SNAP91: variants seen among roughly 807,000 people sequenced by gnomAD.
SNAP91 encodes the protein synaptosome associated protein 91.
SNAP91 carries 27 observed loss-of-function variants against 100.3 expected under a neutral mutation model. The ratio of observed to expected loss-of-function variants is 0.27; its 90% CI spans 0.20 to 0.37. The LOEUF (loss-of-function observed/expected upper bound fraction) is 0.37. Among genes scored for constraint, SNAP91 ranks in the 10% least tolerant of loss-of-function variants. The probability of loss-of-function intolerance (pLI) is 1.00; values close to 1 mark genes in which losing one functional copy is unlikely to be tolerated. For missense variants in SNAP91, 986 were observed against 1,123.7 expected (o/e 0.88, Z 1.75); for synonymous variants, 404 against 398.6 (o/e 1.01, Z -0.16).
chr6:83,555,161 A>G (rs991233279), intron 29 of SNAP91, among the ~76,000 whole-genome samples: 5 of 152,166 alleles, frequency 3.3e-5, no homozygotes, highest in African/African-American at 1.2e-4. Context: ...GTTGGGCATA[A>G]GGAGAGTTTA....
chr6:83,705,258 AT>A (rs971258819), intron 2 of SNAP91, among the ~76,000 whole-genome samples: 2 of 152,126 alleles, frequency 1.3e-5, no homozygotes, highest in African/African-American at 2.4e-5. Context: ...GTTTTTGGTC[AT>A]TTTTTTATGC....
In SNAP91 at chr6:83,573,290, C is replaced by T. The variant is rs542897443; in HGVS notation, c.2442+1720G>A. 1.1e-4 allele frequency among the ~76,000 whole-genome samples: 16 copies of T among 152,114 alleles called. No individual in the cohort carries two copies. In the East Asian group the frequency reaches 1.2e-3, roughly 11 times the overall value. ...AGGAGAACTACAAACCACTGCTCAA[C>T]GAAATGAAAGAGGACACAAACAAAT... On this transcript the variant is annotated intron_variant, in intron 26 of 29. Coordinates refer to ENST00000369694, the MANE Select transcript of SNAP91 (RefSeq NM_001242792.2).
intron 28 of SNAP91, among the ~76,000 whole-genome samples, chr6:83,558,304 T>C (rs182166506): frequency 6.6e-6 from 1 of 152,326 alleles, no homozygotes. Context: ...GAAATATTTA[T>C]GATAAATGAG....
intron 2 of SNAP91, among the ~76,000 whole-genome samples, chr6:83,669,284 C>T (rs969058126): frequency 2.0e-5 from 3 of 151,840 alleles, no homozygotes; most frequent in Non-Finnish European, 4.4e-5. Flanking sequence ...GTTTCTACTT[C>T]TCTACTCTCT....
chr6:83,574,822 G>T (rs1460479048), intron 26 of SNAP91, among the ~76,000 whole-genome samples, 188 bp downstream of exon 26: 1 of 151,908 alleles, frequency 6.6e-6, no homozygotes, highest in East Asian at 1.9e-4. Context: ...CAAAACAGAG[G>T]CTATCAAATG....
rs747428612 is a variant in SNAP91 at position 83,610,710 on chromosome 6, AATAT to A, written c.885-37_885-34del. ...GCAACATAAAAAAAAATTAAAACTG[AATAT>A]ATATATATATATATATATATATATA... On this transcript the variant is annotated intron_variant, in intron 11 of 29. Coordinates refer to ENST00000369694, the MANE Select transcript of SNAP91 (RefSeq NM_001242792.2). The A allele has an allele frequency of 3.9e-3, 832 of 211,354 alleles. 11 individuals carry two copies. The highest frequency in any genetic ancestry group is 0.015 in the East Asian group (168 of 11,088). 13.1% of individuals were successfully genotyped at this position (211,354 alleles called of 1,614,324 possible).
chr6:83,681,980 T>C (rs2128919551), intron 2 of SNAP91, among the ~76,000 whole-genome samples: 1 of 152,214 alleles, frequency 6.6e-6, no homozygotes, highest in South Asian at 2.1e-4. Context: ...CACAGGTTAA[T>C]GAAAGCTTCC....
chr6:83,606,984 A>G (rs1171689231), intron 13 of SNAP91, among the ~76,000 whole-genome samples: 1 of 152,264 alleles, frequency 6.6e-6, no homozygotes, highest in Non-Finnish European at 1.5e-5. Flanking sequence ...TAACATGGGT[A>G]CAATACTTGG....
chr6:83,570,596 T>G, intron 26 of SNAP91, among the ~76,000 whole-genome samples: 1 of 151,232 alleles, frequency 6.6e-6, no homozygotes, highest in African/African-American at 2.4e-5. Flanking sequence ...CCAGGGTCCC[T>G]GTGCTGTGTG....
chr6:83,572,565 C>CT (rs1445318726), intron 26 of SNAP91, among the ~76,000 whole-genome samples: 1 of 151,800 alleles, frequency 6.6e-6, no homozygotes, highest in Non-Finnish European at 1.5e-5. Flanking sequence ...TTTTTTTTTC[C>CT]TTTTTTTAAC....
intron 29 of SNAP91, 106 bp downstream of exon 29, chr6:83,556,037 T>A: frequency 1.8e-6 from 1 of 556,980 alleles, no homozygotes; most frequent in South Asian, 2.6e-5. Context: ...ATTATTACTA[T>A]TATACACAGC....
chr6:83,644,731 C>T (rs1484813335), intron 7 of SNAP91, among the ~76,000 whole-genome samples: 1 of 152,120 alleles, frequency 6.6e-6, no homozygotes, highest in African/African-American at 2.4e-5. Flanking sequence ...ACTTACAAGT[C>T]AGAGTTTCAT....
At chr6:83,582,858 C>T (rs943246667) in intron 22 of SNAP91, among the ~76,000 whole-genome samples, 1 of 152,168 alleles carries the variant, frequency 6.6e-6, no homozygotes, top group Non-Finnish European at 1.5e-5. Flanking sequence ...GCCCCCGCAA[C>T]CCTGCTCTCT....
rs775771617 is a variant in SNAP91, at chr6:83,592,978, G to A, written c.1814C>T (p.Pro605Leu). The change falls in exon 20 of 30, where the codon CCT becomes CTT. Residue 605 changes from proline to leucine, a missense_variant. Pro to Leu is a moderately conservative substitution (Grantham distance 98, BLOSUM62 -3). Coordinates refer to ENST00000369694, the MANE Select transcript of SNAP91 (RefSeq NM_001242792.2). Reference sequence around the variant, plus strand: ...GAGGTCAGCAGTGAGAGAACTCTCAGGCACAGGAGAGGCCCCTTGTGGTGG... The same window carrying A: ...GAGGTCAGCAGTGAGAGAACTCTCAAGCACAGGAGAGGCCCCTTGTGGTGG... Reference protein sequence around the residue: ...SSPPQGASPVPESSLTADLLS... With the variant: ...SSPPQGASPVLESSLTADLLS... The A allele has an allele frequency of 6.3e-7, 1 of 1,586,294 alleles. No homozygotes were observed. The highest frequency in any genetic ancestry group is 2.3e-5 in the East Asian group (1 of 43,614).
At chr6:83,690,227 A>G in intron 2 of SNAP91, 1 of 1,014,630 alleles carries the variant, frequency 9.9e-7, no homozygotes, top group South Asian at 2.6e-5. Context: ...ACTTACTAAT[A>G]CTACTATGAT....
intron 7 of SNAP91, among the ~76,000 whole-genome samples, chr6:83,641,559 T>C (rs1271935432): frequency 6.6e-6 from 1 of 152,196 alleles, no homozygotes; most frequent in African/African-American, 2.4e-5. Context: ...AATTTATGAC[T>C]GCATTCTACA....
At position 83,642,695 on chromosome 6, in the gene SNAP91, G is replaced by C. The variant is rs147531202; in HGVS notation, c.659-1493C>G. Reference sequence around the variant, plus strand: ...AGCAGCATGATTTATAATCCTTTGGGTATATACCCAGTAATGGGATGGCTG... The same window carrying C: ...AGCAGCATGATTTATAATCCTTTGGCTATATACCCAGTAATGGGATGGCTG... On this transcript the variant is annotated intron_variant, in intron 7 of 29. Transcript: ENST00000369694. Among the ~76,000 whole-genome samples, 268 of 152,246 alleles carry C rather than the reference G, an allele frequency of 1.8e-3. 4 individuals carry two copies. Among genetic ancestry groups the C allele is most frequent in the Admixed American group, 0.016 (242 of 15,282 alleles).
chr6:83,651,140 C>CT (rs533146400), intron 7 of SNAP91, among the ~76,000 whole-genome samples: 1 of 151,942 alleles, frequency 6.6e-6, no homozygotes, highest in Non-Finnish European at 1.5e-5. Flanking sequence ...TTTGTGTCCT[C>CT]TTTTTTTTCT....
intron 8 of SNAP91, among the ~76,000 whole-genome samples, chr6:83,626,605 A>T (rs2096940881): frequency 6.6e-6 from 1 of 151,742 alleles, no homozygotes; most frequent in African/African-American, 2.4e-5. Context: ...TAGGTTTTCA[A>T]TTTTTTGTGG....
Sources: allele counts gnomAD v4.1 joint callset (sites outside exome capture counted in the v4.1 genomes callset), GRCh38; gene constraint gnomAD v4.1.1; transcripts MANE v1.5; gene names NCBI Gene and HGNC (gene_info 2026-07-23, HGNC 2026-07-21).